The following TMEFF2 variants were observed in gnomAD, a reference collection of about 807,000 sequenced individuals.
The protein encoded by TMEFF2 is transmembrane protein with EGF like and two follistatin like domains 2.
A neutral mutation model predicts 53.8 loss-of-function variants in TMEFF2; 28 were observed. The ratio of observed to expected loss-of-function variants is 0.52; its 90% CI spans 0.39 to 0.71. TMEFF2 has a LOEUF of 0.71. Ranked by LOEUF, TMEFF2 falls within the 30% of genes least tolerant of loss-of-function variation. The probability of loss-of-function intolerance (pLI) is 0.00; values close to 1 mark genes in which losing one functional copy is unlikely to be tolerated. For missense variants in TMEFF2, 353 were observed against 455.2 expected, an observed-to-expected ratio of 0.78 and a Z score of 2.04; for synonymous variants, 162 against 166.3, an observed-to-expected ratio of 0.97 and a Z score of 0.20.
chr2:191,950,178 A>ATGTTTTCATTGGTGTAGATTACCACAAAT lies in TMEFF2; in HGVS notation c.*104_*132dup. 6.7e-7 allele frequency: 1 copy of ATGTTTTCATTGGTGTAGATTACCACAAAT among 1,483,020 alleles called. No individual in the cohort carries two copies. The highest frequency in any genetic ancestry group is 8.9e-7 in the Non-Finnish European group (1 of 1,121,420). 91.9% of individuals were successfully genotyped at this position (1,483,020 alleles called of 1,614,324 possible). Reference sequence around the variant, plus strand: ...ACATAATCAAATATAGCTGTAGTACATGTTTTCATTGGTGTAGATTACCAC... The same window carrying ATGTTTTCATTGGTGTAGATTACCACAAAT: ...ACATAATCAAATATAGCTGTAGTACATGTTTTCATTGGTGTAGATTACCACAAATTGTTTTCATTGGTGTAGATTACCAC... On this transcript the variant is annotated 3_prime_UTR_variant, in exon 10 of 10. Transcript: ENST00000272771.
intron 4 of TMEFF2, among the ~76,000 whole-genome samples, chr2:192,116,811 GAATC>G (rs1481776866): frequency 1.3e-5 from 2 of 151,958 alleles, no homozygotes; most frequent in Admixed American, 6.6e-5. Context: ...AGAAATTAAA[GAATC>G]AAGATCAGGA....
chr2:192,154,982 A>G (rs1690472860), intron 4 of TMEFF2, among the ~76,000 whole-genome samples: 1 of 151,832 alleles, frequency 6.6e-6, no homozygotes, highest in Non-Finnish European at 1.5e-5. Context: ...AAATTTTCAT[A>G]CCCTTCCTGG....
intron 4 of TMEFF2, among the ~76,000 whole-genome samples, chr2:192,164,891 G>A (rs1690722064): frequency 6.6e-6 from 1 of 151,908 alleles, no homozygotes; most frequent in Admixed American, 6.6e-5. Context: ...ATAATATTAT[G>A]CTATGTTATC....
intron 4 of TMEFF2, among the ~76,000 whole-genome samples, chr2:192,125,967 G>C (rs549978485): frequency 6.1e-4 from 93 of 152,182 alleles, no homozygotes; most frequent in Non-Finnish European, 1.1e-3. Context: ...AAATGTCCAC[G>C]GCACACGTTT....
chr2:192,179,925 T>C (rs1691144881), intron 3 of TMEFF2, among the ~76,000 whole-genome samples: 1 of 151,516 alleles, frequency 6.6e-6, no homozygotes, highest in Non-Finnish European at 1.5e-5. Context: ...AAAACATTAT[T>C]GCCCCGTTTG....
rs13418603 is a variant in TMEFF2, at chr2:192,127,837, C to T, written c.439+51831G>A. 7.9e-3 allele frequency among the ~76,000 whole-genome samples: 1,201 copies of T among 152,240 alleles called. 13 individuals are homozygous for T. Among genetic ancestry groups the T allele is most frequent in the African/African-American group, 0.028 (1,154 of 41,556 alleles). ...AGCTTAGCAGAAATCCTTAAAACTA[C>T]GTAAGAAATGTTCTATCTACTCAAC... On this transcript the variant is annotated intron_variant, in intron 4 of 9. Transcript: ENST00000272771.
chr2:192,122,900 G>A (rs1458952065), intron 4 of TMEFF2, among the ~76,000 whole-genome samples: 2 of 152,008 alleles, frequency 1.3e-5, no homozygotes, highest in Non-Finnish European at 2.9e-5. Context: ...AATCAGATTT[G>A]AACCAGAAAT....
At chr2:192,004,256 C>T (rs1686443805) in intron 5 of TMEFF2, among the ~76,000 whole-genome samples, 1 of 152,114 alleles carries the variant, frequency 6.6e-6, no homozygotes, top group Admixed American at 6.5e-5. Context: ...GGCTCACTGT[C>T]CTCCTTTTAT....
At position 191,986,679 on chromosome 2, in the gene TMEFF2, A is replaced by AT. The variant is rs567213197; in HGVS notation, c.745+11582_745+11583insA. On this transcript the variant is annotated intron_variant, in intron 7 of 9. Coordinates refer to ENST00000272771, the MANE Select transcript of TMEFF2 (RefSeq NM_016192.4). Reference sequence around the variant, plus strand: ...TTGAGACCAGCCTGACCAACATGGTAAAACCATGTATCTACTAAAAATACA... The same window carrying AT: ...TTGAGACCAGCCTGACCAACATGGTATAAACCATGTATCTACTAAAAATACA... Among the ~76,000 whole-genome samples the AT allele has an allele frequency of 5.0e-4, 76 of 151,498 alleles. No homozygotes were observed. In the South Asian group the frequency reaches 0.015, roughly 31 times the overall value.
chr2:191,975,242 CA>C (rs1685684570), intron 7 of TMEFF2, among the ~76,000 whole-genome samples: 1 of 133,252 alleles, frequency 7.5e-6, no homozygotes. Flanking sequence ...TGAAGGTCAT[CA>C]GGTGATTTTT....
intron 7 of TMEFF2, among the ~76,000 whole-genome samples, chr2:191,983,063 C>A (rs1685891122): frequency 6.6e-6 from 1 of 151,966 alleles, no homozygotes. Flanking sequence ...TAGGATTCTA[C>A]TGTCTCCTAT....
chr2:192,069,260 A>G (rs1234042028), intron 4 of TMEFF2, among the ~76,000 whole-genome samples: 1 of 151,618 alleles, frequency 6.6e-6, no homozygotes, highest in Non-Finnish European at 1.5e-5. Context: ...ACCCGCTAGA[A>G]CCCCTGAAGA....
intron 4 of TMEFF2, among the ~76,000 whole-genome samples, chr2:192,095,304 CTAATT>C (rs1304727376): frequency 3.9e-5 from 6 of 152,032 alleles, no homozygotes; most frequent in African/African-American, 7.2e-5. Flanking sequence ...ACACCCGGTC[CTAATT>C]TATTTTTAAG....
rs1299226701 is a variant in TMEFF2 at position 192,028,750 on chromosome 2, GTATAAGC to G, written c.536+28922_536+28928del. The G allele has an allele frequency of 2.6e-5, 4 of 152,112 alleles. No individual in the cohort carries two copies. The East Asian group carries it at 7.7e-4, about 29-fold the overall frequency. 9.4% of individuals were successfully genotyped at this position (152,112 alleles called of 1,614,324 possible). On this transcript the variant is annotated intron_variant, in intron 5 of 9. Transcript: ENST00000272771. ...TTGTAAGAATGAAATACACATGAAT[GTATAAGC>G]TATGAGATACAAATTGTGTAATTTT...
intron 4 of TMEFF2, among the ~76,000 whole-genome samples, chr2:192,076,837 G>T (rs1466834150): frequency 6.6e-6 from 1 of 152,144 alleles, no homozygotes; most frequent in Admixed American, 6.6e-5. Context: ...CAGCCAGTGA[G>T]CCAAAAAGTC....
At chr2:192,024,239 C>T (rs1030742552) in intron 5 of TMEFF2, among the ~76,000 whole-genome samples, 1 of 152,170 alleles carries the variant, frequency 6.6e-6, no homozygotes, top group Admixed American at 6.5e-5. Flanking sequence ...ATTAAGTCAA[C>T]ACAAGCTGTA....
At chr2:192,078,876 C>A (rs889971898) in intron 4 of TMEFF2, among the ~76,000 whole-genome samples, 1 of 152,188 alleles carries the variant, frequency 6.6e-6, no homozygotes, top group Non-Finnish European at 1.5e-5. Context: ...CAGGATCCAA[C>A]CAATTATTAA....
chr2:191,960,464 G>T (rs1402149092), intron 7 of TMEFF2, among the ~76,000 whole-genome samples: 1 of 152,030 alleles, frequency 6.6e-6, no homozygotes, highest in African/African-American at 2.4e-5. Context: ...TATTTTTTGA[G>T]GGGGTCACAT....
At position 192,007,160 on chromosome 2, in the gene TMEFF2, C is replaced by T. The variant is rs184179052; in HGVS notation, c.537-7952G>A. 4.4e-3 allele frequency among the ~76,000 whole-genome samples: 666 copies of T among 152,234 alleles called. 4 individuals carry two copies. The highest frequency in any genetic ancestry group is 7.2e-3 in the Non-Finnish European group (488 of 68,020). ...ATTTAATATTCTTGTTTAATGTACA[C>T]TATTCAGTGACATGCTTTAAAAGGC... On this transcript the variant is annotated intron_variant, in intron 5 of 9. Transcript: ENST00000272771.
Sources: gnomAD v4.1 joint callset for allele counts (sites outside exome capture counted in the v4.1 genomes callset) on GRCh38, gnomAD v4.1.1 for gene constraint, MANE v1.5 for transcripts, NCBI Gene and HGNC (gene_info 2026-07-23, HGNC 2026-07-21) for gene names.